The following CENPP variants were observed in gnomAD, a reference collection of about 807,000 sequenced individuals.
CENPP encodes centromere protein P.
CENPP carries 24 observed loss-of-function variants against 35.6 expected under a neutral mutation model. The ratio of observed to expected loss-of-function variants is 0.67; its 90% CI spans 0.49 to 0.95. The LOEUF is 0.95. Ranked by LOEUF, CENPP falls within the 40% of genes least tolerant of loss-of-function variation. The pLI is 0.00. For missense variants in CENPP, 332 were observed against 345.3 expected (o/e 0.96, Z 0.31); for synonymous variants, 120 against 125.5 (o/e 0.96, Z 0.29).
chr9:92,509,519 T>C (rs963675063), intron 5 of CENPP, among the ~76,000 whole-genome samples: 2 of 152,190 alleles, frequency 1.3e-5, no homozygotes, highest in Non-Finnish European at 2.9e-5. Context: ...TCAACAAACA[T>C]GGCACTGGTT....
intron 4 of CENPP, among the ~76,000 whole-genome samples, chr9:92,373,603 G>A (rs554180601): frequency 8.5e-5 from 13 of 152,182 alleles, no homozygotes; most frequent in Admixed American, 3.3e-4. Flanking sequence ...CGAGGTGGGC[G>A]GATCATGAGG....
At chr9:92,553,423 T>G (rs370418130) in intron 5 of CENPP, among the ~76,000 whole-genome samples, 29 of 152,322 alleles carry the variant, frequency 1.9e-4, no homozygotes, top group African/African-American at 7.0e-4. Flanking sequence ...TTTAGAATTG[T>G]TTTTTCTAAT....
Position 92,613,213 on chromosome 9 carries a change from A to G in CENPP, c.*64A>G. The G allele has an allele frequency of 6.2e-7, 1 of 1,601,046 alleles. No homozygotes were observed. The highest frequency in any genetic ancestry group is 8.6e-7 in the Non-Finnish European group (1 of 1,169,104). Reference sequence around the variant, plus strand: ...GGAGGAACATGCAATTTTATTCAATATAAACATTTGCTATTTTCTGCTTAG... The same window carrying G: ...GGAGGAACATGCAATTTTATTCAATGTAAACATTTGCTATTTTCTGCTTAG... On this transcript the variant is annotated 3_prime_UTR_variant, in exon 8 of 8. Coordinates refer to ENST00000375587, the MANE Select transcript of CENPP (RefSeq NM_001012267.3).
chr9:92,326,310 G>C (rs549068325), intron 1 of CENPP, among the ~76,000 whole-genome samples: 1 of 152,234 alleles, frequency 6.6e-6, no homozygotes, highest in Non-Finnish European at 1.5e-5. Flanking sequence ...GTATTAACTC[G>C]TTTAATCGCA....
At chr9:92,459,749 T>G (rs770798965) in intron 5 of CENPP, 13 of 1,613,610 alleles carry the variant, frequency 8.1e-6, no homozygotes, top group Non-Finnish European at 1.1e-5. Context: ...TATCTGTGAT[T>G]TTGTTGTTTC....
intron 2 of CENPP, among the ~76,000 whole-genome samples, chr9:92,332,640 T>C (rs1320645042): frequency 6.6e-6 from 1 of 152,138 alleles, no homozygotes; most frequent in African/African-American, 2.4e-5. Flanking sequence ...CAACTCTGTC[T>C]CTACTGAAAA....
intron 4 of CENPP, among the ~76,000 whole-genome samples, chr9:92,364,419 T>C (rs1841837067): frequency 6.6e-6 from 1 of 152,200 alleles, no homozygotes; most frequent in African/African-American, 2.4e-5. Flanking sequence ...TTGAAAGATA[T>C]CATTCTGGGT....
intron 5 of CENPP, among the ~76,000 whole-genome samples, chr9:92,528,559 AAAAC>A (rs900520580): frequency 5.9e-5 from 9 of 152,206 alleles, no homozygotes; most frequent in Non-Finnish European, 8.8e-5. Context: ...AAAGCAAAAC[AAAAC>A]AAAAAAAACA....
At chr9:92,475,727 C>G (rs1845691407) in intron 5 of CENPP, among the ~76,000 whole-genome samples, 1 of 152,184 alleles carries the variant, frequency 6.6e-6, no homozygotes, top group Non-Finnish European at 1.5e-5. Flanking sequence ...GTCACTTTTT[C>G]CACAATTGGT....
chr9:92,415,493 T>A (rs1242578107), intron 5 of CENPP: 1 of 1,450,388 alleles, frequency 6.9e-7, no homozygotes, highest in Non-Finnish European at 9.4e-7. Flanking sequence ...AGAAATAAAT[T>A]AAAAATTAAT....
intron 5 of CENPP, chr9:92,522,809 C>T (rs373531348): frequency 4.6e-5 from 74 of 1,611,964 alleles, no homozygotes; most frequent in Non-Finnish European, 6.1e-5. Context: ...TCATTTTTTC[C>T]AAAGTCAGTT....
chr9:92,393,296 C>T, intron 5 of CENPP: 1 of 1,401,812 alleles, frequency 7.1e-7, no homozygotes, highest in Non-Finnish European at 9.8e-7. Flanking sequence ...GAAAATATTT[C>T]TCCTCTAGTA....
At chr9:92,376,546 A>G (rs1181713431) in intron 4 of CENPP, among the ~76,000 whole-genome samples, 3 of 152,134 alleles carry the variant, frequency 2.0e-5, no homozygotes, top group African/African-American at 7.2e-5. Context: ...CCACAGTCAA[A>G]TGCAGGTTTT....
chr9:92,341,485 C>A (rs1841116809), intron 3 of CENPP: 1 of 152,208 alleles, frequency 6.6e-6, no homozygotes, highest in African/African-American at 2.4e-5. Flanking sequence ...TTTAAAATTT[C>A]TCTCTTTTGT....
At chr9:92,486,772 G>A (rs1471471897) in intron 5 of CENPP, among the ~76,000 whole-genome samples, 1 of 148,972 alleles carries the variant, frequency 6.7e-6, no homozygotes, top group African/African-American at 2.5e-5. Flanking sequence ...ATTATATTTT[G>A]CATGTGTCAA....
intron 4 of CENPP, among the ~76,000 whole-genome samples, chr9:92,375,553 C>T (rs1842106382): frequency 6.6e-6 from 1 of 152,148 alleles, no homozygotes; most frequent in African/African-American, 2.4e-5. Context: ...ACCTCGGCCT[C>T]CCAAAGTGCT....
At position 92,613,423 on chromosome 9, in the gene CENPP, AT is replaced by A; in HGVS notation, c.*275del. 1 of 360,616 alleles carries A rather than the reference AT, an allele frequency of 2.8e-6. No individual in the cohort carries two copies. Among genetic ancestry groups the A allele is most frequent in the Non-Finnish European group, 5.3e-6 (1 of 189,072 alleles). 22.3% of individuals were successfully genotyped at this position (360,616 alleles called of 1,614,324 possible). On this transcript the variant is annotated 3_prime_UTR_variant, in exon 8 of 8. Transcript: ENST00000375587. ...GTACCAAGTGGTTGTGTGTCCTCAG[AT>A]GTGTGGGGAGGATCCATCCCCCACC...
intron 5 of CENPP, among the ~76,000 whole-genome samples, chr9:92,529,099 G>A (rs1054886103): frequency 6.6e-6 from 1 of 152,162 alleles, no homozygotes; most frequent in Non-Finnish European, 1.5e-5. Flanking sequence ...GACAAGGGAT[G>A]AATAGCAGAT....
At chr9:92,412,329 C>T (rs1843468042) in intron 5 of CENPP, among the ~76,000 whole-genome samples, 1 of 152,132 alleles carries the variant, frequency 6.6e-6, no homozygotes, top group African/African-American at 2.4e-5. Context: ...TCAAGCAATT[C>T]TCCCACCTTG....
Sources: gnomAD v4.1 joint callset for allele counts (sites outside exome capture counted in the v4.1 genomes callset) on GRCh38, gnomAD v4.1.1 for gene constraint, MANE v1.5 for transcripts, NCBI Gene and HGNC (gene_info 2026-07-23, HGNC 2026-07-21) for gene names.